PHTF2: variants seen among roughly 807,000 people sequenced by gnomAD.
PHTF2 encodes protein PHTF2.
Under a neutral mutation model 101.2 loss-of-function variants are expected in PHTF2, and 60 were observed. That is an observed-to-expected ratio of 0.59 (90% confidence interval 0.48 to 0.73). The LOEUF (loss-of-function observed/expected upper bound fraction) is 0.73, where lower values mean the gene tolerates loss of function less well. Ranked by LOEUF, PHTF2 falls within the 30% of genes least tolerant of loss-of-function variation. The probability of loss-of-function intolerance (pLI) is 0.00; values close to 1 mark genes in which losing one functional copy is unlikely to be tolerated. For synonymous variants in PHTF2, 311 were observed against 307.3 expected (o/e 1.01, Z -0.13); for missense variants, 747 against 908.7 (o/e 0.82, Z 2.29).
intron 2 of PHTF2, among the ~76,000 whole-genome samples, chr7:77,850,539 G>A (rs1796673659): frequency 6.7e-6 from 1 of 150,028 alleles, no homozygotes; most frequent in Non-Finnish European, 1.5e-5. Context: ...CTACTTGGGA[G>A]GTAGAGGCAG....
chr7:77,837,313 T>C (rs780656894), intron 1 of PHTF2, among the ~76,000 whole-genome samples: 1 of 152,224 alleles, frequency 6.6e-6, no homozygotes, highest in Non-Finnish European at 1.5e-5. Context: ...TGGACTGTCA[T>C]AGAATCAAAG....
intron 2 of PHTF2, among the ~76,000 whole-genome samples, chr7:77,843,242 T>G (rs1326221651): frequency 6.6e-6 from 1 of 152,232 alleles, no homozygotes; most frequent in East Asian, 1.9e-4. Context: ...TATGTATCAT[T>G]TAAAGATATG....
intron 16 of PHTF2, among the ~76,000 whole-genome samples, chr7:77,949,334 C>A (rs1230079092): frequency 1.3e-5 from 2 of 151,154 alleles, no homozygotes; most frequent in African/African-American, 4.9e-5. Flanking sequence ...ACTATAAAAA[C>A]CATTATGGAA....
At chr7:77,880,494 A>G (rs920277353) in intron 3 of PHTF2, among the ~76,000 whole-genome samples, 1 of 152,010 alleles carries the variant, frequency 6.6e-6, no homozygotes, top group Non-Finnish European at 1.5e-5. Context: ...CCTCACACCA[A>G]GATGTCTTAC....
intron 1 of PHTF2, among the ~76,000 whole-genome samples, chr7:77,837,746 T>C (rs1178715624): frequency 1.3e-5 from 2 of 152,194 alleles, no homozygotes; most frequent in African/African-American, 4.8e-5. Flanking sequence ...TTGCGATTAT[T>C]TTCTTGTGAG....
At chr7:77,879,407 T>C (rs1197481304) in intron 3 of PHTF2, among the ~76,000 whole-genome samples, 2 of 152,122 alleles carry the variant, frequency 1.3e-5, no homozygotes, top group Non-Finnish European at 2.9e-5. Flanking sequence ...GAACTCGTGA[T>C]GGCCTTCTCT....
intron 2 of PHTF2, among the ~76,000 whole-genome samples, chr7:77,849,649 G>A (rs1417888687): frequency 6.6e-6 from 1 of 152,136 alleles, no homozygotes; most frequent in Non-Finnish European, 1.5e-5. Flanking sequence ...GATTGCTTTG[G>A]GTAGTATGCA....
exon 14 of PHTF2, chr7:77,940,077 A>G (rs751246395): frequency 1.9e-6 from 3 of 1,613,376 alleles, no homozygotes; most frequent in Non-Finnish European, 2.5e-6. Context: ...TTGGAAATGC[A>G]GTCTCTCTCA....
intron 8 of PHTF2, chr7:77,909,442 C>T (rs1157195485): frequency 6.6e-6 from 1 of 152,160 alleles, no homozygotes; most frequent in African/African-American, 2.4e-5. Context: ...CTCACTGTGG[C>T]CTGGACCTCC....
chr7:77,924,688 T>C (rs1803797012), intron 11 of PHTF2, among the ~76,000 whole-genome samples: 1 of 152,214 alleles, frequency 6.6e-6, no homozygotes, highest in Non-Finnish European at 1.5e-5. Flanking sequence ...TAGCCATTTG[T>C]TGTAAGCTTC....
At chr7:77,906,469 T>G (rs992452977) in intron 7 of PHTF2, 1 of 152,132 alleles carries the variant, frequency 6.6e-6, no homozygotes, top group African/African-American at 2.4e-5. Context: ...TCCTCCTTTT[T>G]CTAATGCCTT....
At chr7:77,840,179 G>A (rs1159523200) in intron 1 of PHTF2, 42 bp from the exon 2 acceptor site, 2 of 1,040,472 alleles carry the variant, frequency 1.9e-6, no homozygotes, top group Non-Finnish European at 3.0e-6. Context: ...CTTTTGGAAG[G>A]TGGGAAATAA....
intron 9 of PHTF2, among the ~76,000 whole-genome samples, chr7:77,911,763 A>G (rs947787229): frequency 3.3e-5 from 5 of 152,338 alleles, no homozygotes; most frequent in South Asian, 4.1e-4. Flanking sequence ...TTCTATTCCA[A>G]TCACCTATTC....
chr7:77,943,443 A>G (rs1805800744), intron 16 of PHTF2, among the ~76,000 whole-genome samples: 1 of 151,932 alleles, frequency 6.6e-6, no homozygotes, highest in South Asian at 2.1e-4. Context: ...TTCATTTTTT[A>G]TACCTGAATT....
At chr7:77,843,846 A>AT (rs1289167094) in intron 2 of PHTF2, among the ~76,000 whole-genome samples, 1 of 152,220 alleles carries the variant, frequency 6.6e-6, no homozygotes, top group Non-Finnish European at 1.5e-5. Context: ...GAAGTCCTGG[A>AT]TTATATGATT....
intron 1 of PHTF2, among the ~76,000 whole-genome samples, chr7:77,829,888 C>T (rs1330900329): frequency 6.6e-6 from 1 of 151,992 alleles, no homozygotes; most frequent in Non-Finnish European, 1.5e-5. Flanking sequence ...ATAAATGAAC[C>T]ATGTTTATTA....
intron 1 of PHTF2, among the ~76,000 whole-genome samples, chr7:77,824,040 G>A (rs55759218): frequency 0.21 from 32,325 of 152,040 alleles, 3,879 homozygotes; most frequent in South Asian, 0.27. Flanking sequence ...TAGTGGGGCT[G>A]GAGAGGGATC....
chr7:77,817,457 CA>C (rs1339217372), intron 1 of PHTF2, among the ~76,000 whole-genome samples: 3 of 152,194 alleles, frequency 2.0e-5, no homozygotes, highest in Non-Finnish European at 4.4e-5. Context: ...GAAGGGGAAG[CA>C]AACACATCCT....
At chr7:77,888,966 T>G (rs139498052) in intron 3 of PHTF2, among the ~76,000 whole-genome samples, 108 of 152,296 alleles carry the variant, frequency 7.1e-4, no homozygotes, top group African/African-American at 2.3e-3. Flanking sequence ...AATGGAAATA[T>G]CTGTTAGGGG....
Sources: allele counts gnomAD v4.1 joint callset (sites outside exome capture counted in the v4.1 genomes callset), GRCh38; gene constraint gnomAD v4.1.1; transcripts MANE v1.5; gene names NCBI Gene and HGNC (gene_info 2026-07-23, HGNC 2026-07-21).